Variants in GPC5 observed in about 807,000 individuals in gnomAD.
GPC5 encodes glypican-5.
GPC5 carries 47 observed loss-of-function variants against 53.9 expected under a neutral mutation model. The ratio of observed to expected loss-of-function variants is 0.87; its 90% CI spans 0.69 to 1.11. The LOEUF (loss-of-function observed/expected upper bound fraction) is 1.11. Ranked by LOEUF, GPC5 falls within the 50% of genes most tolerant of loss-of-function variation. GPC5 has a pLI of 0.00. For missense variants in GPC5, 748 were observed against 713.1 expected, an observed-to-expected ratio of 1.05 and a Z score of -0.56; for synonymous variants, 286 against 263.3, an observed-to-expected ratio of 1.09 and a Z score of -0.84.
chr13:91,527,575 G>A (rs567582518), intron 2 of GPC5, among the ~76,000 whole-genome samples: 13 of 152,354 alleles, frequency 8.5e-5, no homozygotes, highest in East Asian at 1.9e-4. Context: ...CTATTCGGGC[G>A]TCTGGAGGAC....
intron 7 of GPC5, among the ~76,000 whole-genome samples, chr13:92,550,346 GT>G (rs1167685154): frequency 6.6e-6 from 1 of 151,732 alleles, no homozygotes; most frequent in Non-Finnish European, 1.5e-5. Context: ...AAAGAATTAT[GT>G]TTTCTCTATT....
In GPC5 at chr13:91,647,095, GT is replaced by G. The variant is rs2034578768; in HGVS notation, c.326-46091del. 1.4e-4 allele frequency among the ~76,000 whole-genome samples: 18 copies of G among 124,296 alleles called. No homozygotes were observed. In the Admixed American group the frequency reaches 1.6e-3, roughly 11 times the overall value. 81.5% of individuals were successfully genotyped at this position (124,296 alleles called of 152,430 possible). On this transcript the variant is annotated intron_variant, in intron 2 of 7. Coordinates refer to ENST00000377067, the MANE Select transcript of GPC5 (RefSeq NM_004466.6). ...CGTGTGTGTGTGTGTGTGTGTGTGT[GT>G]GTGTGTGTGTGTGTGTGAAATACAT...
chr13:91,962,064 A>T (rs2139076263), intron 6 of GPC5, among the ~76,000 whole-genome samples: 1 of 152,312 alleles, frequency 6.6e-6, no homozygotes, highest in South Asian at 2.1e-4. Context: ...GATGTTCTTC[A>T]TATGGTTAAA....
chr13:91,591,700 GA>G (rs1199121336), intron 2 of GPC5, among the ~76,000 whole-genome samples: 2 of 152,108 alleles, frequency 1.3e-5, no homozygotes, highest in Admixed American at 1.3e-4. Flanking sequence ...CAAGCTCTGA[GA>G]TTCCTTCCTC....
chr13:91,750,993 A>G (rs984187178), intron 4 of GPC5, among the ~76,000 whole-genome samples: 2 of 151,992 alleles, frequency 1.3e-5, no homozygotes, highest in South Asian at 2.1e-4. Context: ...CACTATGCCT[A>G]CTAGTGTTTC....
intron 5 of GPC5, among the ~76,000 whole-genome samples, chr13:91,768,215 A>G (rs1225354617): frequency 1.3e-5 from 2 of 152,168 alleles, no homozygotes; most frequent in East Asian, 3.8e-4. Flanking sequence ...CAAATAGACT[A>G]CAGTGTAGTC....
intron 6 of GPC5, among the ~76,000 whole-genome samples, chr13:92,072,662 C>T (rs1307264745): frequency 6.6e-6 from 1 of 151,434 alleles, no homozygotes; most frequent in East Asian, 1.9e-4. Context: ...CATCCCCCAC[C>T]TCCCATGCTC....
chr13:91,633,254 C>T (rs2034204591), intron 2 of GPC5, among the ~76,000 whole-genome samples: 1 of 152,068 alleles, frequency 6.6e-6, no homozygotes. Context: ...TTTCAGTTGC[C>T]AGTATACATC....
At chr13:92,371,071 A>AC (rs960553543) in intron 7 of GPC5, among the ~76,000 whole-genome samples, 1 of 151,996 alleles carries the variant, frequency 6.6e-6, no homozygotes, top group African/African-American at 2.4e-5. Flanking sequence ...AATTGCTTGA[A>AC]CCCAGGAGGC....
rs540125461 is a variant in GPC5 at position 92,578,695 on chromosome 13, A to C, written c.1562-287587A>C. 3.3e-5 allele frequency among the ~76,000 whole-genome samples: 5 copies of C among 152,258 alleles called. No homozygotes were observed. In the South Asian group the frequency reaches 8.3e-4, roughly 25 times the overall value. ...GGTAAGGGCAGATCATCTTCACTGA[A>C]TCTACTGATTTAAACGCTAATCCCT... On this transcript the variant is annotated intron_variant, in intron 7 of 7. Coordinates refer to ENST00000377067, the MANE Select transcript of GPC5 (RefSeq NM_004466.6).
Position 92,457,009 on chromosome 13 carries a change from C to T in GPC5, c.1561+312020C>T, listed in dbSNP as rs192834798. ...AGCCCTTGCTCCTCTCCTTCTCTGCCCCATCTAGTTGTCCTCTGTGTCTGT... is the reference window on the plus strand; with the variant it reads ...AGCCCTTGCTCCTCTCCTTCTCTGCTCCATCTAGTTGTCCTCTGTGTCTGT... On this transcript the variant is annotated intron_variant, in intron 7 of 7. Coordinates refer to ENST00000377067, the MANE Select transcript of GPC5 (RefSeq NM_004466.6). Among the ~76,000 whole-genome samples, 791 of 151,888 alleles carry T rather than the reference C, an allele frequency of 5.2e-3. 30 individuals carry two copies. The highest frequency in any genetic ancestry group is 0.049 in the Admixed American group (739 of 15,212).
chr13:92,145,872 T>C (rs1021191041), intron 7 of GPC5, among the ~76,000 whole-genome samples: 1 of 152,170 alleles, frequency 6.6e-6, no homozygotes, highest in East Asian at 1.9e-4. Flanking sequence ...TTGCACCTAT[T>C]AGACATGCCT....
At chr13:91,542,783 C>A (rs992515290) in intron 2 of GPC5, among the ~76,000 whole-genome samples, 1 of 151,460 alleles carries the variant, frequency 6.6e-6, no homozygotes, top group Non-Finnish European at 1.5e-5. Context: ...TCCCAGGTTC[C>A]ATCGATTCTC....
At chr13:92,508,938 G>A (rs973158233) in intron 7 of GPC5, among the ~76,000 whole-genome samples, 1 of 152,168 alleles carries the variant, frequency 6.6e-6, no homozygotes, top group African/African-American at 2.4e-5. Flanking sequence ...GAAGGACTGG[G>A]CGCCTACTCT....
chr13:92,765,771 T>C (rs540780747), intron 7 of GPC5, among the ~76,000 whole-genome samples: 1 of 152,156 alleles, frequency 6.6e-6, no homozygotes, highest in Non-Finnish European at 1.5e-5. Flanking sequence ...AAAAGCACTG[T>C]ACTAGGTCAG....
At chr13:91,669,977 G>T (rs1257936988) in intron 2 of GPC5, among the ~76,000 whole-genome samples, 2 of 152,078 alleles carry the variant, frequency 1.3e-5, no homozygotes, top group Non-Finnish European at 2.9e-5. Flanking sequence ...TCAAAACATC[G>T]CACATGTCAA....
At chr13:92,000,958 G>T (rs754883627) in intron 6 of GPC5, among the ~76,000 whole-genome samples, 5 of 152,062 alleles carry the variant, frequency 3.3e-5, no homozygotes, top group Admixed American at 2.6e-4. Context: ...ACACAGTGTT[G>T]AGGCAAAATT....
chr13:92,319,742 C>A (rs74107196), intron 7 of GPC5, among the ~76,000 whole-genome samples: 8 of 152,230 alleles, frequency 5.3e-5, no homozygotes, highest in African/African-American at 1.7e-4. Context: ...TATTTTCATA[C>A]ATTTATGTAT....
At chr13:92,444,879 G>A (rs1428940675) in intron 7 of GPC5, among the ~76,000 whole-genome samples, 3 of 152,028 alleles carry the variant, frequency 2.0e-5, no homozygotes, top group East Asian at 1.9e-4. Context: ...TGACTCAGAG[G>A]TCAAGCTGAA....
Sources: allele counts gnomAD v4.1 joint callset (sites outside exome capture counted in the v4.1 genomes callset), GRCh38; gene constraint gnomAD v4.1.1; transcripts MANE v1.5; gene names NCBI Gene and HGNC (gene_info 2026-07-23, HGNC 2026-07-21).